Variants in PLCB1 observed in about 807,000 individuals in gnomAD.
PLCB1 encodes 1-phosphatidylinositol 4,5-bisphosphate phosphodiesterase beta-1.
Under a neutral mutation model 161.8 loss-of-function variants are expected in PLCB1, and 46 were observed. The observed-to-expected ratio is 0.28, with a 90% CI of 0.22 to 0.36. The LOEUF (loss-of-function observed/expected upper bound fraction) is 0.36. PLCB1 is among the 10% of genes least tolerant of loss of function. PLCB1 has a pLI of 1.00. For missense variants in PLCB1, 1,016 were observed against 1,472.5 expected (o/e 0.69, Z 5.07); for synonymous variants, 517 against 503.7 (o/e 1.03, Z -0.35).
At chr20:8,406,679 T>C (rs970037902) in intron 3 of PLCB1, among the ~76,000 whole-genome samples, 18 of 152,182 alleles carry the variant, frequency 1.2e-4, no homozygotes, top group African/African-American at 3.4e-4. Context: ...AGAAAATTCA[T>C]TGAAGAAGCA....
chr20:8,725,077 A>G (rs192844645), intron 16 of PLCB1, among the ~76,000 whole-genome samples: 8 of 152,284 alleles, frequency 5.3e-5, no homozygotes, highest in African/African-American at 7.2e-5. Context: ...TTTGTTCGCA[A>G]CACACAGTGA....
chr20:8,402,802 G>T (rs1281933168), intron 3 of PLCB1, among the ~76,000 whole-genome samples: 1 of 151,916 alleles, frequency 6.6e-6, no homozygotes, highest in Non-Finnish European at 1.5e-5. Context: ...CCGAGATCGT[G>T]CCACTGCACT....
At chr20:8,697,373 CATGGTAA>C (rs1327869100) in intron 10 of PLCB1, among the ~76,000 whole-genome samples, 1 of 152,192 alleles carries the variant, frequency 6.6e-6, no homozygotes, top group Non-Finnish European at 1.5e-5. Context: ...GTAATTGGCA[CATGGTAA>C]ATAGTTAATA....
chr20:8,819,882 C>G (rs896377946), intron 31 of PLCB1, among the ~76,000 whole-genome samples: 5 of 151,830 alleles, frequency 3.3e-5, no homozygotes, highest in African/African-American at 1.2e-4. Context: ...AAATAATGGT[C>G]CCTCATATTC....
intron 3 of PLCB1, among the ~76,000 whole-genome samples, chr20:8,623,524 G>A (rs1407772121): frequency 6.6e-6 from 1 of 151,964 alleles, no homozygotes; most frequent in Non-Finnish European, 1.5e-5. Flanking sequence ...CTCTTGTTAT[G>A]GTAATGCCAC....
intron 23 of PLCB1, among the ~76,000 whole-genome samples, chr20:8,743,114 T>G (rs1215033575): frequency 6.6e-6 from 1 of 152,222 alleles, no homozygotes. Context: ...GTGAGCATCC[T>G]TGTCTTATTC....
chr20:8,869,361 A>G (rs1987536804), intron 31 of PLCB1, among the ~76,000 whole-genome samples: 1 of 152,176 alleles, frequency 6.6e-6, no homozygotes, highest in African/African-American at 2.4e-5. Context: ...CTAGGCCTTA[A>G]TCGCAGGCCC....
chr20:8,864,545 T>G (rs1293664087), intron 31 of PLCB1, among the ~76,000 whole-genome samples: 2 of 152,134 alleles, frequency 1.3e-5, no homozygotes, highest in Non-Finnish European at 2.9e-5. Flanking sequence ...TTTGGACACA[T>G]GAATGAATAA....
chr20:8,185,853 C>T (rs535351389), intron 2 of PLCB1, among the ~76,000 whole-genome samples: 17 of 152,074 alleles, frequency 1.1e-4, no homozygotes, highest in Middle Eastern at 3.4e-3. Flanking sequence ...TAGATTTTGC[C>T]GTCTAGTTAA....
intron 31 of PLCB1, among the ~76,000 whole-genome samples, chr20:8,819,658 C>T (rs1412488622): frequency 3.3e-5 from 5 of 152,146 alleles, no homozygotes; most frequent in Admixed American, 2.6e-4. Flanking sequence ...TTCTAGGACC[C>T]ACCCCGCCCA....
chr20:8,450,264 GA>G (rs1272025083), intron 3 of PLCB1, among the ~76,000 whole-genome samples: 1 of 152,068 alleles, frequency 6.6e-6, no homozygotes, highest in Non-Finnish European at 1.5e-5. Flanking sequence ...AATTTCACAC[GA>G]AGTCTCTTTT....
At chr20:8,446,824 CT>C (rs1421482153) in intron 3 of PLCB1, among the ~76,000 whole-genome samples, 6 of 151,902 alleles carry the variant, frequency 3.9e-5, no homozygotes, top group African/African-American at 9.7e-5. Flanking sequence ...TGATGACTTA[CT>C]TTTTTTTCTT....
intron 3 of PLCB1, among the ~76,000 whole-genome samples, chr20:8,581,587 A>G (rs1040393508): frequency 2.0e-5 from 3 of 152,154 alleles, no homozygotes; most frequent in African/African-American, 7.2e-5. Context: ...TCAGGAAGGT[A>G]AAGTATTAAA....
chr20:8,627,415 G>T (rs1310814129), intron 3 of PLCB1, among the ~76,000 whole-genome samples: 1 of 152,054 alleles, frequency 6.6e-6, no homozygotes, highest in Non-Finnish European at 1.5e-5. Flanking sequence ...AAGTAATCAG[G>T]ACCTGTTGGC....
chr20:8,187,848 G>A (rs2051922649), intron 2 of PLCB1, among the ~76,000 whole-genome samples: 1 of 152,056 alleles, frequency 6.6e-6, no homozygotes, highest in African/African-American at 2.4e-5. Flanking sequence ...ATATTTGGTG[G>A]TGGTGGTGGT....
At chr20:8,783,889 TAATGCCTCCCCTGGACC>T (rs1983355564) in intron 27 of PLCB1, among the ~76,000 whole-genome samples, 1 of 152,136 alleles carries the variant, frequency 6.6e-6, no homozygotes, top group African/African-American at 2.4e-5. Flanking sequence ...CAACTTGGAT[TAATGCCTCCCCTGGACC>T]AATTATCTTG....
At chr20:8,560,565 C>T (rs1036110821) in intron 3 of PLCB1, among the ~76,000 whole-genome samples, 1 of 151,950 alleles carries the variant, frequency 6.6e-6, no homozygotes, top group African/African-American at 2.4e-5. Context: ...TAGTGTTGTT[C>T]AACTAATTTG....
At chr20:8,434,906 C>T (rs1227953252) in intron 3 of PLCB1, among the ~76,000 whole-genome samples, 1 of 152,164 alleles carries the variant, frequency 6.6e-6, no homozygotes. Flanking sequence ...TCTCAGGACT[C>T]CAAAGTGTAC....
intron 2 of PLCB1, among the ~76,000 whole-genome samples, chr20:8,362,994 T>C (rs126943): frequency 1 from 152,094 of 152,284 alleles, 75,952 homozygotes; most frequent in Middle Eastern, 1. Context: ...GTTCTCTTTC[T>C]GTTCCCAGTT....
Sources: allele counts gnomAD v4.1 joint callset (sites outside exome capture counted in the v4.1 genomes callset), GRCh38; gene constraint gnomAD v4.1.1; transcripts MANE v1.5; gene names NCBI Gene and HGNC (gene_info 2026-07-23, HGNC 2026-07-21).